The following MEP1A variants were observed in gnomAD, a reference collection of about 807,000 sequenced individuals.
MEP1A encodes meprin A subunit alpha.
Under a neutral mutation model 84.5 loss-of-function variants are expected in MEP1A, and 68 were observed. The observed-to-expected ratio is 0.80, with a 90% CI of 0.66 to 0.98. The LOEUF is 0.98. Ranked by LOEUF, MEP1A falls within the 50% of genes least tolerant of loss-of-function variation. The pLI is 0.00. For missense variants in MEP1A, 887 were observed against 919.9 expected (o/e 0.96, Z 0.46); for synonymous variants, 337 against 336.8 (o/e 1.00, Z -0.01).
downstream of MEP1A, among the ~76,000 whole-genome samples, chr6:46,841,382 T>C (rs971481083): frequency 1.8e-4 from 28 of 152,198 alleles, no homozygotes; most frequent in Admixed American, 8.5e-4. Flanking sequence ...AAATCTGACA[T>C]GTTATTCAGC....
At chr6:46,811,170 C>A (rs1361143538) in intron 6 of MEP1A, among the ~76,000 whole-genome samples, 1 of 151,906 alleles carries the variant, frequency 6.6e-6, no homozygotes, top group Non-Finnish European at 1.5e-5. Flanking sequence ...GTTTTCCTTG[C>A]AGTGGTCTTT....
intron 11 of MEP1A, among the ~76,000 whole-genome samples, chr6:46,834,102 G>A (rs1289974947): frequency 6.6e-6 from 1 of 151,536 alleles, no homozygotes; most frequent in Non-Finnish European, 1.5e-5. Flanking sequence ...TCAGACTCCC[G>A]AGTAGAGATG....
Position 46,833,324 on chromosome 6 carries a change from T to C in MEP1A, c.1395T>C (p.Tyr465=). 2 of 1,614,214 alleles carry C rather than the reference T, an allele frequency of 1.2e-6. No homozygotes were observed. Among genetic ancestry groups the C allele is most frequent in the Non-Finnish European group, 1.7e-6 (2 of 1,180,040 alleles). The change falls in exon 11 of 14, where the codon TAT becomes TAC. Residue 465 remains tyrosine (Y), a synonymous_variant. Transcript: ENST00000230588. ...CTCGATTCTACAATTCGGAGGGATA[T>C]GGTTTTGGGGTAACTTTATACCCAA... is the stretch of plus-strand genomic sequence containing the variant. The part of the protein sequence containing the change: ...QSPRFYNSEG[Y]GFGVTLYPNS...
At chr6:46,819,505 T>C in intron 6 of MEP1A, 24 bp from the exon 7 acceptor site, 1 of 1,558,622 alleles carries the variant, frequency 6.4e-7, no homozygotes, top group Non-Finnish European at 8.7e-7. Flanking sequence ...CTAGAAGAAA[T>C]TTTTCCTCTT....
Position 46,836,919 on chromosome 6 carries a change from A to G in MEP1A, c.2084+1370A>G, listed in dbSNP as rs541966173. Among the ~76,000 whole-genome samples, 4 of 152,032 alleles carry G rather than the reference A, an allele frequency of 2.6e-5. No homozygotes were observed. In the East Asian group the frequency reaches 7.8e-4, roughly 30 times the overall value. On this transcript the variant is annotated intron_variant, in intron 13 of 13. Transcript: ENST00000230588. ...GCGTGTGAACAGGTACATGATGCCTATACATGTCATTACTGGTGATGTCAA... is the reference window on the plus strand; with the variant it reads ...GCGTGTGAACAGGTACATGATGCCTGTACATGTCATTACTGGTGATGTCAA...
chr6:46,812,282 A>G (rs1009852203), intron 6 of MEP1A, among the ~76,000 whole-genome samples: 5 of 152,058 alleles, frequency 3.3e-5, no homozygotes. Flanking sequence ...GTAGCCTTGA[A>G]TAATCTTTCA....
At chr6:46,829,217 T>C in intron 9 of MEP1A, 139 bp from the exon 10 acceptor site, 1 of 677,398 alleles carries the variant, frequency 1.5e-6, no homozygotes, top group Middle Eastern at 4.2e-4. Flanking sequence ...CAAATGTCCT[T>C]CTTTTTATTT....
chr6:46,821,580 T>C (rs1483244922), intron 7 of MEP1A, among the ~76,000 whole-genome samples: 1 of 152,234 alleles, frequency 6.6e-6, no homozygotes, highest in African/African-American at 2.4e-5. Flanking sequence ...CCTGTAAGCC[T>C]CAATTTCTTA....
At chr6:46,818,529 A>G (rs939330418) in intron 6 of MEP1A, among the ~76,000 whole-genome samples, 5 of 152,178 alleles carry the variant, frequency 3.3e-5, no homozygotes, top group Admixed American at 3.3e-4. Context: ...TAGAGGTGAA[A>G]AATTGGGTTT....
In MEP1A at chr6:46,802,009, G is replaced by A. The variant is rs571829984; in HGVS notation, c.262+2828G>A. Among the ~76,000 whole-genome samples the A allele has an allele frequency of 1.2e-4, 18 of 152,020 alleles. No homozygotes were observed. The South Asian group carries it at 3.7e-3, about 32-fold the overall frequency. ...CTATGTTGATTACTCTAGCTTCACA[G>A]TTAACCTTGAATTGAGTGTTCCAGC... On this transcript the variant is annotated intron_variant, in intron 5 of 13. Transcript: ENST00000230588.
rs564212910 is a variant in MEP1A at position 46,833,283 on chromosome 6, G to A, written c.1354G>A (p.Asp452Asn). ...AGTCCTTGAGAACACCAGCAAAGGG[G>A]ACAAGCTTCAGAGCCCTCGATTCTA... The part of the protein sequence containing the change: ...SQVLENTSKG[D>N]KLQSPRFYNS... The change falls in exon 11 of 14, where the codon GAC (aspartate) becomes AAC (asparagine). Residue 452 changes from aspartate to asparagine, a missense_variant. Coordinates refer to ENST00000230588, the MANE Select transcript of MEP1A (RefSeq NM_005588.3). The A allele has an allele frequency of 3.1e-6, 5 of 1,614,202 alleles. No homozygotes were observed. The highest frequency in any genetic ancestry group is 2.2e-5 in the East Asian group (1 of 44,892).
rs1722602307 is a variant in MEP1A, at chr6:46,825,259, C to G, written c.557-13C>G. ...CATGACTGAGAAGGACCTGTGGATT[C>G]TCTCCCTAACAGGTTACCAGCACAA... On this transcript the variant is annotated splice_polypyrimidine_tract_variant and intron_variant, in intron 7 of 13. Coordinates refer to ENST00000230588, the MANE Select transcript of MEP1A (RefSeq NM_005588.3). The G allele has an allele frequency of 1.3e-6, 2 of 1,565,366 alleles. No homozygotes were observed. Among genetic ancestry groups the G allele is most frequent in the Non-Finnish European group, 1.8e-6 (2 of 1,142,158 alleles).
intron 3 of MEP1A, among the ~76,000 whole-genome samples, chr6:46,794,061 T>C (rs1193776260): frequency 6.6e-6 from 1 of 152,210 alleles, no homozygotes; most frequent in Non-Finnish European, 1.5e-5. Flanking sequence ...AGCCTCTGGT[T>C]ATATTTAGTG....
At chr6:46,809,334 G>A in intron 5 of MEP1A, 86 bp from the exon 6 acceptor site, 1 of 798,218 alleles carries the variant, frequency 1.3e-6, no homozygotes, top group East Asian at 2.8e-5. Context: ...ATTTAATGTG[G>A]CAGCATGGTT....
chr6:46,825,849 G>A (rs1274659811), intron 8 of MEP1A, among the ~76,000 whole-genome samples: 1 of 152,146 alleles, frequency 6.6e-6, no homozygotes, highest in African/African-American at 2.4e-5. Flanking sequence ...TGCTTCTTTT[G>A]GAGGGTGCAT....
intron 3 of MEP1A, among the ~76,000 whole-genome samples, chr6:46,794,259 T>C (rs1300885533): frequency 6.6e-6 from 1 of 152,244 alleles, no homozygotes; most frequent in Non-Finnish European, 1.5e-5. Context: ...CTCTGTTTTC[T>C]CTCTGTTGTC....
At chr6:46,802,787 T>C (rs1767223788) in intron 5 of MEP1A, among the ~76,000 whole-genome samples, 1 of 151,840 alleles carries the variant, frequency 6.6e-6, no homozygotes, top group African/African-American at 2.4e-5. Flanking sequence ...AACAATTAAG[T>C]ATAATTTTTA....
rs769796072 is a variant in MEP1A at position 46,793,430 on chromosome 6, T to A, written c.32T>A (p.Phe11Tyr). The A allele has an allele frequency of 1.9e-6, 3 of 1,600,176 alleles. No individual in the cohort carries two copies. Among genetic ancestry groups the A allele is most frequent in the Admixed American group, 1.8e-5 (1 of 56,106 alleles). MAWIRSTCIL[F>Y]FTLLFAHIAA... ...TGGATTAGATCCACTTGCATTCTCT[T>A]TTTTACCTTGCTTTTTGCCCACATA... is the stretch of plus-strand genomic sequence containing the variant. The change falls in exon 1 of 14, where the codon TTT becomes TAT. Residue 11 changes from phenylalanine to tyrosine, a missense_variant. By Grantham distance (22) the Phe-to-Tyr change is conservative. Transcript: ENST00000230588.
At chr6:46,824,877 TTTAAATATATATAAA>T (rs1308732944) in intron 7 of MEP1A, among the ~76,000 whole-genome samples, 2 of 112,090 alleles carry the variant, frequency 1.8e-5, no homozygotes, top group Non-Finnish European at 3.3e-5. Flanking sequence ...AATAGATCTA[TTTAAATATATATAAA>T]TTATATATAT....
Sources: allele counts gnomAD v4.1 joint callset (sites outside exome capture counted in the v4.1 genomes callset), GRCh38; gene constraint gnomAD v4.1.1; transcripts MANE v1.5; gene names NCBI Gene and HGNC (gene_info 2026-07-23, HGNC 2026-07-21).